The following SLC15A5 variants were observed in gnomAD, a reference collection of about 807,000 sequenced individuals.
SLC15A5 encodes Peptide/histidine transporter ENSP00000340402.
Under a neutral mutation model 56.1 loss-of-function variants are expected in SLC15A5, and 58 were observed. The ratio of observed to expected loss-of-function variants is 1.03; its 90% CI spans 0.84 to 1.29. The LOEUF is 1.29. Among genes scored for constraint, SLC15A5 ranks in the 50% most tolerant of loss-of-function variants. The pLI is 0.00. For missense variants in SLC15A5, 681 were observed against 672.1 expected (o/e 1.01, Z -0.15); for synonymous variants, 264 against 250.5 (o/e 1.05, Z -0.51).
intron 2 of SLC15A5, among the ~76,000 whole-genome samples, chr12:16,270,175 G>A (rs754457904): frequency 3.9e-5 from 6 of 152,250 alleles, no homozygotes; most frequent in Admixed American, 6.5e-5. Flanking sequence ...AGCTTTACTC[G>A]GAAGTGGTGC....
intron 7 of SLC15A5, among the ~76,000 whole-genome samples, chr12:16,194,773 T>A (rs974045839): frequency 8.5e-5 from 13 of 152,214 alleles, no homozygotes; most frequent in East Asian, 3.9e-4. Context: ...ATCTTATTTA[T>A]CCTTATATTT....
At chr12:16,248,689 C>A (rs762342295) in intron 3 of SLC15A5, among the ~76,000 whole-genome samples, 3 of 152,070 alleles carry the variant, frequency 2.0e-5, no homozygotes, top group Non-Finnish European at 4.4e-5. Flanking sequence ...TTGGATTAAT[C>A]CATTAGACTT....
intron 2 of SLC15A5, among the ~76,000 whole-genome samples, chr12:16,260,879 C>A (rs1370674892): frequency 6.6e-6 from 1 of 151,914 alleles, no homozygotes; most frequent in Non-Finnish European, 1.5e-5. Context: ...TCAGTTATTA[C>A]AATACCATTT....
chr12:16,262,334 A>T (rs1864650462), intron 2 of SLC15A5, among the ~76,000 whole-genome samples: 1 of 152,008 alleles, frequency 6.6e-6, no homozygotes, highest in African/African-American at 2.4e-5. Context: ...CATTCCTCTC[A>T]TCACATTTTA....
chr12:16,225,510 A>G (rs990220008), intron 5 of SLC15A5, among the ~76,000 whole-genome samples: 3 of 152,240 alleles, frequency 2.0e-5, no homozygotes, highest in African/African-American at 7.2e-5. Flanking sequence ...CATCAGAGTG[A>G]ACAGGCAACC....
intron 2 of SLC15A5, among the ~76,000 whole-genome samples, chr12:16,265,243 C>G (rs1864682484): frequency 6.6e-6 from 1 of 152,092 alleles, no homozygotes; most frequent in African/African-American, 2.4e-5. Context: ...TAAGAGCAAA[C>G]TGGGCCATGG....
At chr12:16,277,147 C>T (rs1332748129) in intron 1 of SLC15A5, among the ~76,000 whole-genome samples, 178 bp downstream of exon 1, 1 of 151,738 alleles carries the variant, frequency 6.6e-6, no homozygotes, top group African/African-American at 2.4e-5. Context: ...CACACACACA[C>T]ACAGACTTAC....
At chr12:16,208,907 T>A (rs1864048741) in intron 7 of SLC15A5, among the ~76,000 whole-genome samples, 2 of 152,202 alleles carry the variant, frequency 1.3e-5, no homozygotes, top group South Asian at 4.1e-4. Context: ...GTATCTTGTA[T>A]TTTTATTTGC....
chr12:16,232,053 A>G (rs1343240165), intron 5 of SLC15A5, among the ~76,000 whole-genome samples: 4 of 152,240 alleles, frequency 2.6e-5, no homozygotes, highest in Non-Finnish European at 2.9e-5. Flanking sequence ...TTTACAATCT[A>G]TAAGAATAGA....
chr12:16,225,314 C>A (rs1864230151), intron 5 of SLC15A5, among the ~76,000 whole-genome samples: 3 of 152,224 alleles, frequency 2.0e-5, no homozygotes, highest in Admixed American at 2.0e-4. Flanking sequence ...CTGTCTTCCA[C>A]AATGGTTGAA....
At chr12:16,256,308 T>C (rs533928454) in intron 3 of SLC15A5, among the ~76,000 whole-genome samples, 1 of 152,306 alleles carries the variant, frequency 6.6e-6, no homozygotes, top group Admixed American at 6.5e-5. Context: ...CACCTTGCAA[T>C]CCTCAATAAA....
intron 5 of SLC15A5, among the ~76,000 whole-genome samples, chr12:16,226,291 T>C (rs1455229388): frequency 6.6e-6 from 1 of 152,192 alleles, no homozygotes; most frequent in Non-Finnish European, 1.5e-5. Context: ...TCTGTACATG[T>C]TCAATACAGA....
At chr12:16,227,920 C>T (rs1052619187) in intron 5 of SLC15A5, among the ~76,000 whole-genome samples, 2 of 152,092 alleles carry the variant, frequency 1.3e-5, no homozygotes, top group African/African-American at 4.8e-5. Flanking sequence ...TCAGGGCTTC[C>T]ACTTCTGGAA....
intron 4 of SLC15A5, among the ~76,000 whole-genome samples, chr12:16,241,964 T>C (rs1443241526): frequency 6.6e-6 from 1 of 152,184 alleles, no homozygotes; most frequent in African/African-American, 2.4e-5. Flanking sequence ...TCTGAAATCA[T>C]CGCCCTGTAA....
chr12:16,232,169 G>A (rs1022614209), intron 5 of SLC15A5, among the ~76,000 whole-genome samples: 92 of 152,244 alleles, frequency 6.0e-4, no homozygotes, highest in African/African-American at 2.1e-3. Context: ...TCAATAATAA[G>A]TAGCTATGAA....
At chr12:16,213,304 C>T (rs145911017) in intron 7 of SLC15A5, among the ~76,000 whole-genome samples, 346 of 152,190 alleles carry the variant, frequency 2.3e-3, no homozygotes, top group African/African-American at 7.0e-3. Context: ...TTCAGAACAA[C>T]GTAATATATT....
intron 7 of SLC15A5, among the ~76,000 whole-genome samples, chr12:16,215,204 A>C (rs918877037): frequency 1.2e-3 from 76 of 63,252 alleles, no homozygotes; most frequent in African/African-American, 4.6e-3. Context: ...CTCTTTCTCA[A>C]AAAAAAAAAA....
chr12:16,234,609 G>GT (rs1864329627), intron 5 of SLC15A5, among the ~76,000 whole-genome samples: 1 of 152,056 alleles, frequency 6.6e-6, no homozygotes, highest in Non-Finnish European at 1.5e-5. Context: ...AAGCACAATG[G>GT]TTGCATAGGA....
intron 5 of SLC15A5, among the ~76,000 whole-genome samples, chr12:16,232,444 CT>C (rs972044808): frequency 6.6e-5 from 10 of 152,034 alleles, no homozygotes; most frequent in East Asian, 1.9e-4. Context: ...AGAAAGGAAA[CT>C]TTTTTTAAAA....
Sources: allele counts gnomAD v4.1 joint callset (sites outside exome capture counted in the v4.1 genomes callset), GRCh38; gene constraint gnomAD v4.1.1; transcripts MANE v1.5; gene names NCBI Gene and HGNC (gene_info 2026-07-23, HGNC 2026-07-21).